FAM168B: variants seen among roughly 807,000 people sequenced by gnomAD.
FAM168B encodes the protein myelin-associated neurite-outgrowth inhibitor.
In FAM168B, 19 loss-of-function variants were observed where a neutral mutation model predicts 21.8. The ratio of observed to expected loss-of-function variants is 0.87; its 90% CI spans 0.61 to 1.28. FAM168B has a LOEUF of 1.28. FAM168B is among the 50% of genes most tolerant of loss of function. The pLI, the probability that FAM168B is intolerant of heterozygous loss-of-function variation, is 0.00. For synonymous variants in FAM168B, 126 were observed against 104.8 expected (o/e 1.20, Z -1.24); for missense variants, 233 against 263.1 (o/e 0.89, Z 0.79).
chr2:131,056,058 A>G (rs184534148), intron 3 of FAM168B, among the ~76,000 whole-genome samples: 2 of 152,186 alleles, frequency 1.3e-5, no homozygotes, highest in Non-Finnish European at 2.9e-5. Flanking sequence ...ATGCCTTTTA[A>G]TCCCACAATT....
chr2:131,061,705 C>G (rs1479104752), intron 3 of FAM168B, among the ~76,000 whole-genome samples: 1 of 151,838 alleles, frequency 6.6e-6, no homozygotes, highest in Non-Finnish European at 1.5e-5. Flanking sequence ...TCAGCTGAAC[C>G]TGGGAGGTGG....
At chr2:131,081,831 T>C (rs748858534) in intron 2 of FAM168B, among the ~76,000 whole-genome samples, 6 of 152,192 alleles carry the variant, frequency 3.9e-5, no homozygotes, top group Admixed American at 6.6e-5. Flanking sequence ...CAGATATCTC[T>C]CTTACCTCCT....
At chr2:131,073,571 CCT>C (rs1267856086) in intron 2 of FAM168B, among the ~76,000 whole-genome samples, 1 of 152,186 alleles carries the variant, frequency 6.6e-6, no homozygotes, top group Non-Finnish European at 1.5e-5. Context: ...AGTTCAGCCC[CCT>C]TTCTCTCTGA....
rs1277309938 is a variant in FAM168B, at chr2:131,057,619, C to T, written c.155-1924G>A. Among the ~76,000 whole-genome samples, 6 of 152,046 alleles carry T rather than the reference C, an allele frequency of 3.9e-5. No individual in the cohort carries two copies. The East Asian group carries it at 9.6e-4, about 24-fold the overall frequency. On this transcript the variant is annotated intron_variant, in intron 3 of 6. Transcript: ENST00000389915. ...GTGGGTGTTTTGTGCATAAATTATA[C>T]CTCAAGTTTGAAAAAATGAGCTGAG...
intron 3 of FAM168B, among the ~76,000 whole-genome samples, chr2:131,064,393 G>C (rs1359932768): frequency 1.3e-5 from 2 of 152,190 alleles, no homozygotes; most frequent in East Asian, 3.9e-4. Flanking sequence ...TGAAATTTCT[G>C]AACACTGGAG....
At chr2:131,068,588 G>C (rs953330689) in intron 3 of FAM168B, among the ~76,000 whole-genome samples, 1 of 152,192 alleles carries the variant, frequency 6.6e-6, no homozygotes, top group Non-Finnish European at 1.5e-5. Flanking sequence ...CTCTAAACAA[G>C]GTAGGCCGTT....
At position 131,081,193 on chromosome 2, in the gene FAM168B, T is replaced by C. The variant is rs576966698; in HGVS notation, c.70+1384A>G. Among the ~76,000 whole-genome samples, 37 of 152,346 alleles carry C rather than the reference T, an allele frequency of 2.4e-4. 2 individuals carry two copies. In the South Asian group the frequency reaches 6.0e-3, roughly 25 times the overall value. ...TTCTCAGCATCTTGTTCCCCTCTTATGTTTCTGATTCTTTCTTTTATATCT... is the reference window on the plus strand; with the variant it reads ...TTCTCAGCATCTTGTTCCCCTCTTACGTTTCTGATTCTTTCTTTTATATCT... On this transcript the variant is annotated intron_variant, in intron 2 of 6. Coordinates refer to ENST00000389915, the MANE Select transcript of FAM168B (RefSeq NM_001009993.4).
intron 1 of FAM168B, among the ~76,000 whole-genome samples, chr2:131,088,965 CTT>C (rs34730768): frequency 2.1e-4 from 29 of 139,840 alleles, no homozygotes; most frequent in East Asian, 6.2e-4. Flanking sequence ...GAGCGTACCA[CTT>C]TTTTTTTTTT....
rs534159819 is a variant in FAM168B at position 131,089,015 on chromosome 2, G to A, written c.-12+4199C>T. Among the ~76,000 whole-genome samples, 23 of 149,462 alleles carry A rather than the reference G, an allele frequency of 1.5e-4. No individual in the cohort carries two copies. In the South Asian group the frequency reaches 4.6e-3, roughly 30 times the overall value. On this transcript the variant is annotated intron_variant, in intron 1 of 6. Transcript: ENST00000389915. ...AGTTTTCACTTTTGTTGCCCAGGCT[G>A]GAGTGCAATGGCGCGATCTCAGCTC...
At chr2:131,087,296 C>G (rs1289423901) in intron 1 of FAM168B, among the ~76,000 whole-genome samples, 1 of 151,954 alleles carries the variant, frequency 6.6e-6, no homozygotes, top group East Asian at 1.9e-4. Flanking sequence ...TGGTGAAACC[C>G]CATCTCTACT....
Position 131,048,356 on chromosome 2 carries a change from G to A in FAM168B, c.*4109C>T. 2 of 1,297,612 alleles carry A rather than the reference G, an allele frequency of 1.5e-6. No individual in the cohort carries two copies. The highest frequency in any genetic ancestry group is 4.4e-4 in the Middle Eastern group (2 of 4,570). The allele number at this position is 1,297,612 out of a possible 1,614,324, so 80.4% of individuals were successfully genotyped here. On this transcript the variant is annotated 3_prime_UTR_variant, in exon 7 of 7. Transcript: ENST00000389915. ...TCATGGGCACAGCCTGTGGTGAGGA[G>A]GAGACACCTGTCATGCCAGTCCTGG...
At chr2:131,081,276 C>T (rs1484123893) in intron 2 of FAM168B, among the ~76,000 whole-genome samples, 1 of 152,216 alleles carries the variant, frequency 6.6e-6, no homozygotes, top group Non-Finnish European at 1.5e-5. Context: ...TCTTCTCCTG[C>T]AGTCTGTCAT....
intron 3 of FAM168B, among the ~76,000 whole-genome samples, chr2:131,057,901 G>A (rs1692107168): frequency 6.6e-6 from 1 of 151,986 alleles, no homozygotes; most frequent in Admixed American, 6.6e-5. Flanking sequence ...TGCAATCTCA[G>A]CTCACTGCAG....
intron 3 of FAM168B, among the ~76,000 whole-genome samples, chr2:131,065,704 G>A (rs998096325): frequency 1.2e-4 from 18 of 150,638 alleles, no homozygotes; most frequent in African/African-American, 2.0e-4. Flanking sequence ...CAGGAGAATC[G>A]CTTGAACCCA....
intron 1 of FAM168B, among the ~76,000 whole-genome samples, chr2:131,092,202 G>C (rs999087826): frequency 6.6e-6 from 1 of 151,378 alleles, no homozygotes; most frequent in South Asian, 2.1e-4. Flanking sequence ...AAGACAACTT[G>C]GGTATAATTT....
chr2:131,077,212 TAAAAAAAAA>T (rs34175924), intron 2 of FAM168B, among the ~76,000 whole-genome samples: 1 of 130,280 alleles, frequency 7.7e-6, no homozygotes, highest in Admixed American at 7.9e-5. Flanking sequence ...CTATTACATT[TAAAAAAAAA>T]AAAAAAAAAA....
chr2:131,078,761 G>A (rs1395669895), intron 2 of FAM168B, among the ~76,000 whole-genome samples: 2 of 151,250 alleles, frequency 1.3e-5, no homozygotes, highest in African/African-American at 2.4e-5. Context: ...GGCTGAGGTG[G>A]GATGAGCACA....
intron 2 of FAM168B, among the ~76,000 whole-genome samples, chr2:131,072,964 T>TA (rs1291629186): frequency 6.6e-6 from 1 of 152,222 alleles, no homozygotes; most frequent in Non-Finnish European, 1.5e-5. Context: ...TAAGCCTATG[T>TA]AAAGGTCACT....
chr2:131,048,384 G>A lies in FAM168B; in HGVS notation c.*4081C>T, dbSNP rs1336332865. 3 of 1,284,120 alleles carry A rather than the reference G, an allele frequency of 2.3e-6. No individual in the cohort carries two copies. The highest frequency in any genetic ancestry group is 2.5e-4 in the Middle Eastern group (1 of 4,044). The allele number at this position is 1,284,120 out of a possible 1,614,324, so 79.5% of individuals were successfully genotyped here. A position where few individuals can be genotyped will look rare whatever the true frequency, so the allele number is the denominator to read the frequency against. ...GACACCTGTCATGCCAGTCCTGGGA[G>A]CACACCACCCTTCTGCAGGCCCGGG... On this transcript the variant is annotated 3_prime_UTR_variant, in exon 7 of 7. Coordinates refer to ENST00000389915, the MANE Select transcript of FAM168B (RefSeq NM_001009993.4).
Sources: allele counts gnomAD v4.1 joint callset (sites outside exome capture counted in the v4.1 genomes callset), GRCh38; gene constraint gnomAD v4.1.1; transcripts MANE v1.5; gene names NCBI Gene and HGNC (gene_info 2026-07-23, HGNC 2026-07-21).